The following H4C15 variants were observed in gnomAD, a reference collection of about 807,000 sequenced individuals.
The protein encoded by H4C15 is histone H4.
chr1:149,850,490 G>A (rs2092172658), downstream of H4C15: 2 of 847,436 alleles, frequency 2.4e-6, no homozygotes, highest in South Asian at 2.9e-5. Context: ...CGGCCGTCTG[G>A]ATCTCCGGGA....
chr1:149,844,985 A>G, the H4C15 span: 2 of 152,336 alleles, frequency 1.3e-5, no homozygotes, highest in Middle Eastern at 6.8e-3. Context: ...AGGTAAGTAT[A>G]TATCTTCCTT....
At chr1:149,855,190 A>G (rs1465937108), downstream of H4C15, among the ~76,000 whole-genome samples, 2 of 77,342 alleles carry the variant, frequency 2.6e-5, no homozygotes, top group East Asian at 8.3e-4. Context: ...GTGAGCTGAG[A>G]TTGTGCCACT....
chr1:149,850,334 C>T (rs1553757611), downstream of H4C15: 11 of 1,115,408 alleles, frequency 9.9e-6, no homozygotes, highest in Middle Eastern at 2.0e-4. Context: ...GACAAAGCAG[C>T]CGGCGACCCG....
At chr1:149,845,529 TG>T in the H4C15 span, 5 of 152,122 alleles carry the variant, frequency 3.3e-5, no homozygotes, top group Non-Finnish European at 5.9e-5. Flanking sequence ...GAACAGAACA[TG>T]GTAAGTACAA....
chr1:149,847,903 G>A, the H4C15 span: 1 of 152,214 alleles, frequency 6.6e-6, no homozygotes, highest in Non-Finnish European at 1.5e-5. Context: ...GGGGCTACCA[G>A]ACACTGAAAG....
the H4C15 span, chr1:149,846,514 G>C: frequency 6.6e-6 from 1 of 152,038 alleles, no homozygotes; most frequent in East Asian, 1.9e-4. Flanking sequence ...AATTTTTAAA[G>C]TATTTCCCAT....
At chr1:149,855,514 C>T (rs1339512974), downstream of H4C15, among the ~76,000 whole-genome samples, 271 of 98,386 alleles carry the variant, frequency 2.8e-3, no homozygotes, top group African/African-American at 8.2e-3. Flanking sequence ...GTCCACTCTC[C>T]TGGTCACCCT....
the H4C15 span, chr1:149,846,077 T>C: frequency 1.3e-5 from 2 of 152,178 alleles, no homozygotes; most frequent in Non-Finnish European, 2.9e-5. Context: ...GATTCTTATT[T>C]TTTTGTAGAT....
At chr1:149,847,144 CCTT>C in the H4C15 span, 2 of 152,002 alleles carry the variant, frequency 1.3e-5, no homozygotes, top group Admixed American at 1.3e-4. Flanking sequence ...TCTATCGCCT[CCTT>C]CTACACTTGA....
chr1:149,849,347 T>A (rs1174637483), downstream of H4C15, among the ~76,000 whole-genome samples: 1 of 152,236 alleles, frequency 6.6e-6, no homozygotes, highest in Non-Finnish European at 1.5e-5. Flanking sequence ...GCTGCTGGTC[T>A]GGAGAGACTT....
the H4C15 span, chr1:149,847,666 G>A: frequency 0.019 from 2,901 of 152,344 alleles, 35 homozygotes; most frequent in Middle Eastern, 0.03. Context: ...TCAGCCGGGC[G>A]TGCTGACGCA....
At chr1:149,850,866 G>A, downstream of H4C15, 1 of 111,466 alleles carries the variant, frequency 9.0e-6, no homozygotes, top group Non-Finnish European at 1.5e-5. Flanking sequence ...TACAGAGGCT[G>A]TGCGCATGAC....
the H4C15 span, chr1:149,846,529 T>C: frequency 6.6e-6 from 1 of 152,348 alleles, no homozygotes; most frequent in East Asian, 1.9e-4. Context: ...TCCCATTTTT[T>C]TATTTTGAAA....
downstream of H4C15, among the ~76,000 whole-genome samples, chr1:149,849,547 G>C (rs1210557750): frequency 6.6e-6 from 1 of 152,164 alleles, no homozygotes; most frequent in Non-Finnish European, 1.5e-5. Flanking sequence ...AACCTCCCTT[G>C]CAAATTGGTG....
At chr1:149,858,625 AGG>A (rs2092189891), downstream of H4C15, among the ~76,000 whole-genome samples, 4 of 75,052 alleles carry the variant, frequency 5.3e-5, no homozygotes, top group East Asian at 3.1e-4. Context: ...AAGGGAAGGA[AGG>A]GAAGGAAGAA....
At chr1:149,850,591 G>A (rs1553757682), downstream of H4C15, 1 of 591,044 alleles carries the variant, frequency 1.7e-6, no homozygotes, top group East Asian at 2.9e-5. Context: ...AGTTCATGAT[G>A]CCCATGGCCT....
At chr1:149,850,359 G>T (rs587717439), downstream of H4C15, 43 of 738,972 alleles carry the variant, frequency 5.8e-5, no homozygotes, top group African/African-American at 5.6e-4. Context: ...GGGAGGGAGG[G>T]AGGGAGCGAG....
At chr1:149,844,693 A>G in the H4C15 span, 1 of 152,080 alleles carries the variant, frequency 6.6e-6, no homozygotes. Flanking sequence ...CCTACATAAA[A>G]TCCCAAATAG....
At chr1:149,845,866 G>A in the H4C15 span, 1 of 152,304 alleles carries the variant, frequency 6.6e-6, no homozygotes, top group East Asian at 1.9e-4. Context: ...TTTACACTGA[G>A]CACTTGAAAA....
Sources: allele counts gnomAD v4.1 joint callset (sites outside exome capture counted in the v4.1 genomes callset), GRCh38; gene constraint gnomAD v4.1.1; transcripts MANE v1.5; gene names NCBI Gene and HGNC (gene_info 2026-07-23, HGNC 2026-07-21).